The following HIPK2 variants were observed in gnomAD, a reference collection of about 807,000 sequenced individuals.
HIPK2 encodes the protein homeodomain-interacting protein kinase 2.
Under a neutral mutation model 113.7 loss-of-function variants are expected in HIPK2, and 27 were observed. That is an observed-to-expected ratio of 0.24 (90% CI 0.17 to 0.33). The LOEUF (loss-of-function observed/expected upper bound fraction) is 0.33, where lower values mean the gene tolerates loss of function less well. Ranked by LOEUF, HIPK2 falls within the 10% of genes least tolerant of loss-of-function variation. The pLI, the probability that HIPK2 is intolerant of heterozygous loss-of-function variation, is 1.00. For synonymous variants in HIPK2, 631 were observed against 642.2 expected, an observed-to-expected ratio of 0.98 and a Z score of 0.26; for missense variants, 1,257 against 1,588.0, an observed-to-expected ratio of 0.79 and a Z score of 3.54.
intron 2 of HIPK2, among the ~76,000 whole-genome samples, chr7:139,662,681 G>A (rs913650116): frequency 2.7e-5 from 4 of 150,342 alleles, no homozygotes; most frequent in Non-Finnish European, 5.9e-5. Flanking sequence ...GCACAGTGGC[G>A]TGATCTCGGC....
intron 2 of HIPK2, among the ~76,000 whole-genome samples, chr7:139,679,577 A>G (rs1802625012): frequency 6.6e-6 from 1 of 152,240 alleles, no homozygotes. Context: ...AATGTGCAAT[A>G]CCTGATGGGG....
In HIPK2 at chr7:139,683,960, T is replaced by TG. The variant is rs1794140880; in HGVS notation, c.1103+31971_1103+31972insC. 6.6e-6 allele frequency among the ~76,000 whole-genome samples: 1 copy of TG among 151,962 alleles called. No homozygotes were observed. The highest frequency in any genetic ancestry group is 1.5e-5 in the Non-Finnish European group (1 of 67,904). On this transcript the variant is annotated intron_variant, in intron 2 of 14. Coordinates refer to ENST00000406875, the MANE Select transcript of HIPK2 (RefSeq NM_022740.5). This position sits in a 1 kb window ranked among gnomAD's most constrained non-coding sequence, Gnocchi z 4.2. ...ACTGAGCTTTGCAGATACCATGATT[T>TG]TTTTTTTTTACACAAATTGAAGGTT...
chr7:139,708,908 A>ATG (rs1243441575), intron 2 of HIPK2, among the ~76,000 whole-genome samples: 2 of 151,990 alleles, frequency 1.3e-5, no homozygotes, highest in African/African-American at 2.4e-5. Flanking sequence ...GTGTGTGTGC[A>ATG]TGTGTGTGTG....
chr7:139,748,691 T>G (rs994053003), intron 1 of HIPK2, among the ~76,000 whole-genome samples: 10 of 152,020 alleles, frequency 6.6e-5, no homozygotes, highest in Admixed American at 6.6e-4. Flanking sequence ...GACCTCATCT[T>G]AACTAGCCAC....
At chr7:139,595,231 G>C (rs976351052) in intron 12 of HIPK2, among the ~76,000 whole-genome samples, 1 of 152,226 alleles carries the variant, frequency 6.6e-6, no homozygotes, top group African/African-American at 2.4e-5. Flanking sequence ...TGATGACCAA[G>C]GCTACCCACG....
intron 2 of HIPK2, among the ~76,000 whole-genome samples, chr7:139,651,694 C>A (rs867219462): frequency 3.9e-4 from 60 of 152,158 alleles, no homozygotes; most frequent in African/African-American, 1.3e-3. Flanking sequence ...GAGAGGTACA[C>A]AATTTGTTTT....
chr7:139,600,775 A>G lies in HIPK2; in HGVS notation c.2256-179T>C, dbSNP rs527419238. The G allele has an allele frequency of 1.5e-3, 326 of 211,236 alleles. 1 individual carries two copies. Among genetic ancestry groups the G allele is most frequent in the Non-Finnish European group, 1.8e-3 (223 of 122,186 alleles). 13.1% of individuals were successfully genotyped at this position (211,236 alleles called of 1,614,324 possible). The stretch of plus-strand genomic sequence containing the variant: ...CTCAACGGGTGGGTTTCTTCTACTC[A>G]TAAGGAGTAGGTGAAACATAACTGG... On this transcript the variant is annotated intron_variant, in intron 10 of 14. Transcript: ENST00000406875.
intron 2 of HIPK2, among the ~76,000 whole-genome samples, chr7:139,653,044 C>T (rs1185772748): frequency 1.4e-5 from 2 of 147,412 alleles, no homozygotes; most frequent in Admixed American, 6.9e-5. Context: ...GAGGCTGAGG[C>T]ACAAGAATGG....
intron 13 of HIPK2, among the ~76,000 whole-genome samples, chr7:139,579,237 A>G (rs2116510516): frequency 6.6e-6 from 1 of 152,298 alleles, no homozygotes; most frequent in South Asian, 2.1e-4. Flanking sequence ...AATGTTTCAT[A>G]TGAAGGGAGA....
At chr7:139,720,806 G>A (rs1795386325) in intron 1 of HIPK2, among the ~76,000 whole-genome samples, 1 of 152,156 alleles carries the variant, frequency 6.6e-6, no homozygotes, top group African/African-American at 2.4e-5. Context: ...CAGAGAGAGC[G>A]ACAGCAGAAA....
intron 7 of HIPK2, among the ~76,000 whole-genome samples, chr7:139,618,248 A>G (rs972862252): frequency 2.0e-5 from 3 of 152,240 alleles, no homozygotes; most frequent in South Asian, 4.1e-4. Flanking sequence ...AGTGTTAGCT[A>G]TTAGTAATGA....
At chr7:139,719,791 T>C (rs1795354429) in intron 1 of HIPK2, among the ~76,000 whole-genome samples, 1 of 152,250 alleles carries the variant, frequency 6.6e-6, no homozygotes, top group African/African-American at 2.4e-5. Flanking sequence ...CAATTCTTTA[T>C]TTCTGCTGTT....
rs184502302 is a variant in HIPK2 at position 139,626,250 on chromosome 7, G to A, written c.1619+351C>T. ...CCCAAATAGCTGGGATTACAGGTGC[G>A]CCCCACCACACCCAGCTGATTTTTG... On this transcript the variant is annotated intron_variant, in intron 6 of 14. Coordinates refer to ENST00000406875, the MANE Select transcript of HIPK2 (RefSeq NM_022740.5). Among the ~76,000 whole-genome samples the A allele has an allele frequency of 2.4e-3, 372 of 151,880 alleles. 4 individuals are homozygous for A. Among genetic ancestry groups the A allele is most frequent in the East Asian group, 0.019 (97 of 5,166 alleles).
chr7:139,612,768 C>G (rs1427469163), intron 9 of HIPK2, among the ~76,000 whole-genome samples: 1 of 152,160 alleles, frequency 6.6e-6, no homozygotes, highest in Non-Finnish European at 1.5e-5. Context: ...CTTACAGTAA[C>G]CATGAGCCTG....
In HIPK2 at chr7:139,572,764, G is replaced by GCCCCACCCCCCCCCCCCCCCCCCC. The variant is rs1798327924; in HGVS notation, c.*162_*163insGGGGGGGGGGGGGGGGGGGTGGGG. On this transcript the variant is annotated 3_prime_UTR_variant, in exon 15 of 15. Coordinates refer to ENST00000406875, the MANE Select transcript of HIPK2 (RefSeq NM_022740.5). The stretch of plus-strand genomic sequence containing the variant: ...GTCCCGACCCGTCCCCCTGCCCTCT[G>GCCCCACCCCCCCCCCCCCCCCCCC]CCCCCCCCCCCCCCCCCGCCCCTGC... The GCCCCACCCCCCCCCCCCCCCCCCC allele has an allele frequency of 3.4e-5, 1 of 29,326 alleles. No homozygotes were observed. 1.8% of individuals were successfully genotyped at this position (29,326 alleles called of 1,614,324 possible).
chr7:139,656,907 G>T (rs1185646702), intron 2 of HIPK2, among the ~76,000 whole-genome samples: 1 of 149,944 alleles, frequency 6.7e-6, no homozygotes, highest in Non-Finnish European at 1.5e-5. Flanking sequence ...GTCTTGCTCT[G>T]TCACCCAGGC....
intron 1 of HIPK2, among the ~76,000 whole-genome samples, chr7:139,721,737 CCTT>C (rs1795414560): frequency 6.6e-6 from 1 of 152,094 alleles, no homozygotes; most frequent in South Asian, 2.1e-4. Context: ...GGATTTTACT[CCTT>C]CTAGGTGAGA....
intron 2 of HIPK2, among the ~76,000 whole-genome samples, chr7:139,641,155 AG>A (rs1451164226): frequency 6.6e-6 from 1 of 152,160 alleles, no homozygotes; most frequent in Non-Finnish European, 1.5e-5. Flanking sequence ...ACCTGAGGTC[AG>A]GAGTTCGAGA....
intron 13 of HIPK2, among the ~76,000 whole-genome samples, chr7:139,575,960 G>A (rs1314433185): frequency 6.6e-6 from 1 of 152,238 alleles, no homozygotes; most frequent in Non-Finnish European, 1.5e-5. Flanking sequence ...CTTCAGAATC[G>A]TGAGCCAAAT....
Sources: allele counts gnomAD v4.1 joint callset (sites outside exome capture counted in the v4.1 genomes callset), GRCh38; gene constraint gnomAD v4.1.1; non-coding constraint Gnocchi (gnomAD v3.1); transcripts MANE v1.5; gene names NCBI Gene and HGNC (gene_info 2026-07-23, HGNC 2026-07-21).